The following SMG5 variants were observed in gnomAD, a reference collection of about 807,000 sequenced individuals.
The protein encoded by SMG5 is SMG5 nonsense mediated mRNA decay factor.
Under a neutral mutation model 122.9 loss-of-function variants are expected in SMG5, and 53 were observed. That is an observed-to-expected ratio of 0.43 (90% CI 0.35 to 0.54). The LOEUF (loss-of-function observed/expected upper bound fraction) is 0.54, where lower values mean the gene tolerates loss of function less well. Ranked by LOEUF, SMG5 falls within the 20% of genes least tolerant of loss-of-function variation. The probability of loss-of-function intolerance (pLI) is 0.01; values close to 1 mark genes in which losing one functional copy is unlikely to be tolerated. For missense variants in SMG5, 1,153 were observed against 1,285.6 expected (o/e 0.90, Z 1.58); for synonymous variants, 477 against 490.2 (o/e 0.97, Z 0.35).
At chr1:156,251,334 C>T in intron 20 of SMG5, 69 bp downstream of exon 20, 4 of 1,555,856 alleles carry the variant, frequency 2.6e-6, no homozygotes, top group Non-Finnish European at 3.5e-6. Context: ...TACCCGTTCT[C>T]CCTAGGAATG....
the SMG5 span, among the ~76,000 whole-genome samples, chr1:156,289,201 G>C: frequency 6.6e-6 from 1 of 152,234 alleles, no homozygotes; most frequent in Non-Finnish European, 1.5e-5. Flanking sequence ...GGTGCCAGGC[G>C]TGGTGGCTCA....
intron 7 of SMG5, among the ~76,000 whole-genome samples, chr1:156,270,448 G>C (rs960501418): frequency 2.0e-5 from 3 of 152,194 alleles, no homozygotes; most frequent in Non-Finnish European, 4.4e-5. Flanking sequence ...TAGACCTTCC[G>C]ATCAGCTGAA....
intron 5 of SMG5, among the ~76,000 whole-genome samples, chr1:156,273,723 T>C (rs912868420): frequency 1.6e-4 from 23 of 147,004 alleles, no homozygotes; most frequent in African/African-American, 3.8e-4. Context: ...GTTTTCTTTT[T>C]TTTTTTTTTT....
chr1:156,288,817 A>T, the SMG5 span, among the ~76,000 whole-genome samples: 1 of 152,198 alleles, frequency 6.6e-6, no homozygotes, highest in Non-Finnish European at 1.5e-5. Flanking sequence ...CCCAAAATAA[A>T]TATGTTCCTG....
chr1:156,251,072 G>T, intron 20 of SMG5, 76 bp from the exon 21 acceptor site: 3 of 1,562,552 alleles, frequency 1.9e-6, no homozygotes, highest in Non-Finnish European at 2.6e-6. Flanking sequence ...ATCTCCAGGG[G>T]ACAGGGGCAG....
the SMG5 span, chr1:156,291,272 A>G: frequency 3.4e-6 from 3 of 894,076 alleles, no homozygotes; most frequent in Admixed American, 2.0e-5. Context: ...AGTACCAGCC[A>G]TACCCACCAA....
At position 156,277,201 on chromosome 1, in the gene SMG5, G is replaced by T. The variant is rs143644339; in HGVS notation, c.338C>A (p.Thr113Lys). Residue 113 changes from threonine to lysine, a missense_variant, in exon 4 of 22, where the codon ACG becomes AAG. By Grantham distance (78) the Thr-to-Lys change is moderately conservative. Coordinates refer to ENST00000361813, the MANE Select transcript of SMG5 (RefSeq NM_015327.3). Reference sequence around the variant, plus strand: ...GAAGCCAATACCAGCAACCAGGTGCGTCCTGTAGGCACATTCCAAAGTGCT... The same window carrying T: ...GAAGCCAATACCAGCAACCAGGTGCTTCCTGTAGGCACATTCCAAAGTGCT... Reference protein sequence around the residue: ...SRSTLECAYRTHLVAGIGFYQ... With the variant: ...SRSTLECAYRKHLVAGIGFYQ... 6.2e-7 allele frequency: 1 copy of T among 1,613,826 alleles called. No homozygotes were observed. The highest frequency in any genetic ancestry group is 8.5e-7 in the Non-Finnish European group (1 of 1,179,958).
intron 16 of SMG5, 23 bp downstream of exon 16, chr1:156,258,982 G>T (rs376006243): frequency 5.0e-6 from 8 of 1,612,952 alleles, no homozygotes; most frequent in South Asian, 1.1e-5. Flanking sequence ...CAGAGCTGAC[G>T]GGGAGGGGAA....
chr1:156,251,283 C>G, intron 20 of SMG5, 120 bp downstream of exon 20: 1 of 1,212,614 alleles, frequency 8.2e-7, no homozygotes, highest in Non-Finnish European at 1.2e-6. Context: ...TGCAGGAGGG[C>G]CCTGGCAGGC....
Position 156,252,938 on chromosome 1 carries a change from A to G in SMG5, c.2643T>C (p.Ile881=). ...IRQLATSGRF[I]VIIPRTVIDG... ...ACTTACCTGTCCTTGGGATGATGACAATGAAGCGGCCACTGGTGGCCAGTT... is the reference window on the plus strand; with the variant it reads ...ACTTACCTGTCCTTGGGATGATGACGATGAAGCGGCCACTGGTGGCCAGTT... The change falls in exon 18 of 22, where the codon ATT becomes ATC. Residue 881 remains isoleucine, a synonymous_variant. Transcript: ENST00000361813. 1 of 1,609,904 alleles carries G rather than the reference A, an allele frequency of 6.2e-7. No individual in the cohort carries two copies. The highest frequency in any genetic ancestry group is 8.5e-7 in the Non-Finnish European group (1 of 1,177,994).
chr1:156,270,895 T>C (rs1305566065), intron 7 of SMG5, among the ~76,000 whole-genome samples: 1 of 151,740 alleles, frequency 6.6e-6, no homozygotes, highest in African/African-American at 2.4e-5. Flanking sequence ...TAATCCTAGC[T>C]ACTCGAGAGG....
At chr1:156,276,561 AG>A (rs1379476674) in intron 4 of SMG5, among the ~76,000 whole-genome samples, 1 of 152,216 alleles carries the variant, frequency 6.6e-6, no homozygotes, top group African/African-American at 2.4e-5. Flanking sequence ...GAGAGAGCAG[AG>A]AGAGCTGGGT....
At chr1:156,288,197 C>CAA in the SMG5 span, among the ~76,000 whole-genome samples, 26 of 56,896 alleles carry the variant, frequency 4.6e-4, no homozygotes, top group African/African-American at 1.2e-3. Context: ...GACTCCGTCT[C>CAA]AAAAAAAAAA....
chr1:156,250,888 G>T lies in SMG5; in HGVS notation c.2937C>A (p.Asp979Glu). The T allele has an allele frequency of 6.2e-7, 1 of 1,613,954 alleles. No individual in the cohort carries two copies. Among genetic ancestry groups the T allele is most frequent in the Non-Finnish European group, 8.5e-7 (1 of 1,179,886 alleles). ...TGGGGCCTGAAAGCACGCTGGGGTTGTCCAGTGGAAGGCCTGTGATGATGG... is the reference window on the plus strand; with the variant it reads ...TGGGGCCTGAAAGCACGCTGGGGTTTTCCAGTGGAAGGCCTGTGATGATGG... ...MVTIITGLPL[D>E]NPSVLSGPMQ... Residue 979 changes from aspartate to glutamate, a missense_variant, in exon 21 of 22, where the codon GAC (aspartate) becomes GAA (glutamate). By Grantham distance (45) the Asp-to-Glu change is conservative. This residue lies in a region of SMG5 where 84 missense variants were observed against 82.3 expected (regional missense o/e 1.02). Coordinates refer to ENST00000361813, the MANE Select transcript of SMG5 (RefSeq NM_015327.3).
At chr1:156,286,363 G>A (rs375726959), upstream of SMG5, 19 of 1,614,036 alleles carry the variant, frequency 1.2e-5, no homozygotes, top group African/African-American at 5.3e-5. Context: ...TGGCCCAGTC[G>A]GTCCAGCTCT....
intron 1 of SMG5, 54 bp downstream of exon 1, chr1:156,282,553 T>G: frequency 3.8e-6 from 5 of 1,319,528 alleles, no homozygotes; most frequent in Non-Finnish European, 5.1e-6. Flanking sequence ...GCCCCGCCCC[T>G]CGCCGTCTCC....
intron 4 of SMG5, among the ~76,000 whole-genome samples, chr1:156,275,677 A>G (rs893172085): frequency 4.6e-5 from 7 of 152,236 alleles, no homozygotes; most frequent in African/African-American, 1.7e-4. Flanking sequence ...AGAAAACATC[A>G]GTGAACATAA....
intron 3 of SMG5, 74 bp from the exon 4 acceptor site, chr1:156,277,315 C>G (rs1662728630): frequency 6.7e-7 from 1 of 1,500,694 alleles, no homozygotes; most frequent in Non-Finnish European, 9.0e-7. Context: ...TTACCCTGTT[C>G]ATCTCACTTG....
chr1:156,282,761 A>T lies in SMG5; in HGVS notation c.-81T>A. The T allele has an allele frequency of 7.0e-7, 1 of 1,426,328 alleles. No homozygotes were observed. The highest frequency in any genetic ancestry group is 9.4e-7 in the Non-Finnish European group (1 of 1,067,452). The allele number at this position is 1,426,328 out of a possible 1,614,324, so 88.4% of individuals were successfully genotyped here. A position where few individuals can be genotyped will look rare whatever the true frequency, so the allele number is the denominator to read the frequency against. On this transcript the variant is annotated 5_prime_UTR_variant, in exon 1 of 22. Transcript: ENST00000361813. ...CGCCAACACTGCCGTCTCCGGCCGT[A>T]GCCGCAGCCGCCGCCGCCACCGGCC...
Sources: allele counts gnomAD v4.1 joint callset (sites outside exome capture counted in the v4.1 genomes callset), GRCh38; gene constraint gnomAD v4.1.1; regional missense constraint gnomAD v4.1.1; transcripts MANE v1.5; gene names NCBI Gene and HGNC (gene_info 2026-07-23, HGNC 2026-07-21).